Variants in SNX29 observed in about 807,000 individuals in gnomAD.
SNX29 encodes sorting nexin 29.
Under a neutral mutation model 102.1 loss-of-function variants are expected in SNX29, and 78 were observed. The ratio of observed to expected loss-of-function variants is 0.76; its 90% CI spans 0.64 to 0.92. The LOEUF (loss-of-function observed/expected upper bound fraction) is 0.92. SNX29 is among the 40% of genes least tolerant of loss of function. The pLI, the probability that SNX29 is intolerant of heterozygous loss-of-function variation, is 0.00. For synonymous variants in SNX29, 580 were observed against 414.5 expected, an observed-to-expected ratio of 1.40 and a Z score of -4.85; for missense variants, 1,280 against 1,061.7, an observed-to-expected ratio of 1.21 and a Z score of -2.86.
At chr16:11,997,654 T>C (rs1459791986) in intron 1 of SNX29, among the ~76,000 whole-genome samples, 1 of 151,952 alleles carries the variant, frequency 6.6e-6, no homozygotes, top group African/African-American at 2.4e-5. Context: ...ATTTTTTGTG[T>C]TTTTGGTAGA....
chr16:12,321,866 C>T (rs568835594), intron 15 of SNX29, among the ~76,000 whole-genome samples: 7 of 152,172 alleles, frequency 4.6e-5, no homozygotes, highest in South Asian at 2.1e-4. Flanking sequence ...GACAGAGAGC[C>T]GGGGATATCA....
At chr16:12,534,599 C>T (rs1225951547) in intron 20 of SNX29, among the ~76,000 whole-genome samples, 7 of 152,160 alleles carry the variant, frequency 4.6e-5, no homozygotes, top group Admixed American at 2.6e-4. Context: ...GGTATTGTCA[C>T]CTGTTAAATT....
chr16:12,148,838 C>T (rs1479197044), intron 13 of SNX29, among the ~76,000 whole-genome samples: 2 of 152,128 alleles, frequency 1.3e-5, no homozygotes, highest in African/African-American at 4.8e-5. Context: ...GCTGGGATTA[C>T]AGGCATGTGG....
intron 14 of SNX29, among the ~76,000 whole-genome samples, chr16:12,243,074 C>T (rs1357098785): frequency 1.3e-5 from 2 of 152,232 alleles, no homozygotes; most frequent in Admixed American, 6.5e-5. Context: ...GTGTCCTGGC[C>T]TGTGGGCTGG....
chr16:12,313,892 A>C (rs1046118019), intron 15 of SNX29, among the ~76,000 whole-genome samples: 1 of 152,276 alleles, frequency 6.6e-6, no homozygotes, highest in African/African-American at 2.4e-5. Context: ...AATGAGACTG[A>C]GGCTCAAAAA....
chr16:12,464,858 C>T (rs2086979548), intron 18 of SNX29, among the ~76,000 whole-genome samples: 1 of 152,134 alleles, frequency 6.6e-6, no homozygotes, highest in South Asian at 2.1e-4. Context: ...CTATGATTTA[C>T]TTTCCTGCCA....
intron 11 of SNX29, among the ~76,000 whole-genome samples, chr16:12,125,291 G>C (rs1414063178): frequency 6.6e-6 from 1 of 152,158 alleles, no homozygotes; most frequent in Non-Finnish European, 1.5e-5. Context: ...ACCTGAACAT[G>C]ATGTCATAGC....
intron 20 of SNX29, among the ~76,000 whole-genome samples, chr16:12,566,265 G>A (rs55645382): frequency 0.11 from 16,337 of 152,236 alleles, 1,069 homozygotes; most frequent in South Asian, 0.14. Context: ...GGGTCAGACA[G>A]CACTGCCCAC....
intron 15 of SNX29, among the ~76,000 whole-genome samples, chr16:12,278,331 CAG>C (rs760935488): frequency 2.2e-4 from 33 of 152,018 alleles, no homozygotes; most frequent in East Asian, 3.9e-4. Context: ...GAGATGAAAA[CAG>C]AGAATATCAC....
intron 13 of SNX29, among the ~76,000 whole-genome samples, chr16:12,177,183 C>T (rs1006322970): frequency 6.6e-6 from 1 of 152,082 alleles, no homozygotes; most frequent in Non-Finnish European, 1.5e-5. Context: ...CCAAGAGATC[C>T]TCAAGCGATC....
At chr16:12,137,563 G>A (rs2054708315) in intron 13 of SNX29, among the ~76,000 whole-genome samples, 1 of 152,210 alleles carries the variant, frequency 6.6e-6, no homozygotes, top group Admixed American at 6.5e-5. Context: ...GCCCTGCTCA[G>A]ATCATGCTGT....
In SNX29 at chr16:12,569,909, G is replaced by C. The variant is rs912444508; in HGVS notation, c.*1280G>C. The C allele has an allele frequency of 2.9e-4, 67 of 232,198 alleles. No homozygotes were observed. The highest frequency in any genetic ancestry group is 7.3e-4 in the South Asian group (4 of 5,510). 14.4% of individuals were successfully genotyped at this position (232,198 alleles called of 1,614,324 possible). On this transcript the variant is annotated 3_prime_UTR_variant, in exon 21 of 21. Transcript: ENST00000566228. ...GTGTTTCGCCTTAATCTGAGGCAGAGACACAGCAGAACCTGAGGAGAAAAG... is the reference window on the plus strand; with the variant it reads ...GTGTTTCGCCTTAATCTGAGGCAGACACACAGCAGAACCTGAGGAGAAAAG...
chr16:12,090,207 C>T (rs11642386), intron 11 of SNX29: 2 of 152,456 alleles, frequency 1.3e-5, no homozygotes, highest in Non-Finnish European at 2.9e-5. Flanking sequence ...ACATTCTCAC[C>T]GGCGTCTCAG....
At position 12,364,105 on chromosome 16, in the gene SNX29, G is replaced by T. The variant is rs376940132; in HGVS notation, c.1899+7826G>T. Among the ~76,000 whole-genome samples the T allele has an allele frequency of 1.2e-4, 19 of 152,158 alleles. No individual in the cohort carries two copies. In the East Asian group the frequency reaches 3.5e-3, roughly 28 times the overall value. The stretch of plus-strand genomic sequence containing the variant: ...ACTCCTAGACTTAAGCAATCCTCCT[G>T]CCTCAGTCTCTGGAGTAGCTAGGAC... On this transcript the variant is annotated intron_variant, in intron 16 of 20. Transcript: ENST00000566228.
At chr16:12,508,654 T>C (rs2089479652) in intron 19 of SNX29, among the ~76,000 whole-genome samples, 1 of 152,220 alleles carries the variant, frequency 6.6e-6, no homozygotes, top group Non-Finnish European at 1.5e-5. Flanking sequence ...TTTACCAACG[T>C]TCCTGGTGCC....
At chr16:12,487,590 G>T (rs533661753) in intron 19 of SNX29, among the ~76,000 whole-genome samples, 6 of 152,246 alleles carry the variant, frequency 3.9e-5, no homozygotes, top group African/African-American at 1.4e-4. Flanking sequence ...AGCCGCACAC[G>T]TCCATGCCCA....
chr16:12,408,742 C>T (rs914804015), intron 18 of SNX29, among the ~76,000 whole-genome samples: 2 of 152,208 alleles, frequency 1.3e-5, no homozygotes, highest in Non-Finnish European at 2.9e-5. Context: ...CTCACTTAAA[C>T]CTGGGAGGCG....
chr16:12,083,162 A>T (rs1261647374), intron 11 of SNX29, among the ~76,000 whole-genome samples: 1 of 151,822 alleles, frequency 6.6e-6, no homozygotes, highest in African/African-American at 2.4e-5. Context: ...AAAAATTAGC[A>T]TGGTGTGGTG....
rs138756653 is a variant in SNX29 at position 12,355,722 on chromosome 16, T to C, written c.1783-441T>C. 7.7e-3 allele frequency among the ~76,000 whole-genome samples: 1,172 copies of C among 152,098 alleles called. 19 individuals are homozygous for C. Among genetic ancestry groups the C allele is most frequent in the African/African-American group, 0.027 (1,121 of 41,498 alleles). On this transcript the variant is annotated intron_variant, in intron 15 of 20. Coordinates refer to ENST00000566228, the MANE Select transcript of SNX29 (RefSeq NM_032167.5). ...ATTCAATTTGGAAAAATTCAGCAGC[T>C]TACAGCTGGCCCAAATGGGTTGCAT... is the stretch of plus-strand genomic sequence containing the variant.
Sources: gnomAD v4.1 joint callset for allele counts (sites outside exome capture counted in the v4.1 genomes callset) on GRCh38, gnomAD v4.1.1 for gene constraint, MANE v1.5 for transcripts, NCBI Gene and HGNC (gene_info 2026-07-23, HGNC 2026-07-21) for gene names.